RFX3: variants seen among roughly 807,000 people sequenced by gnomAD.
RFX3 encodes transcription factor RFX3.
RFX3 carries 14 observed loss-of-function variants against 98.6 expected under a neutral mutation model. The observed-to-expected ratio is 0.14, with a 90% CI of 0.09 to 0.22. The LOEUF is 0.22. Ranked by LOEUF, RFX3 falls within the 10% of genes least tolerant of loss-of-function variation. The pLI, the probability that RFX3 is intolerant of heterozygous loss-of-function variation, is 1.00. For synonymous variants in RFX3, 383 were observed against 328.4 expected (o/e 1.17, Z -1.80); for missense variants, 639 against 926.9 (o/e 0.69, Z 4.03).
chr9:3,345,312 G>T (rs901715052), intron 3 of RFX3, among the ~76,000 whole-genome samples: 7 of 152,010 alleles, frequency 4.6e-5, no homozygotes, highest in Non-Finnish European at 7.4e-5. Flanking sequence ...GTATGAAAGG[G>T]GAATATTTGG....
chr9:3,349,198 G>A (rs1834796609), intron 2 of RFX3, among the ~76,000 whole-genome samples: 1 of 151,534 alleles, frequency 6.6e-6, no homozygotes, highest in Non-Finnish European at 1.5e-5. Context: ...ACAAATTTTG[G>A]TTACTGGAGA....
intron 1 of RFX3, among the ~76,000 whole-genome samples, chr9:3,451,139 G>C (rs1846586733): frequency 6.6e-6 from 1 of 152,146 alleles, no homozygotes; most frequent in Non-Finnish European, 1.5e-5. Context: ...AAGAGATATA[G>C]AAGTCAACTA....
At chr9:3,454,786 C>G (rs1478706665) in intron 1 of RFX3, among the ~76,000 whole-genome samples, 1 of 152,114 alleles carries the variant, frequency 6.6e-6, no homozygotes, top group East Asian at 1.9e-4. Context: ...AGTTTATAAG[C>G]CATTCACATG....
intron 12 of RFX3, among the ~76,000 whole-genome samples, chr9:3,263,900 C>T (rs529131618): frequency 1.4e-4 from 21 of 152,296 alleles, no homozygotes; most frequent in Non-Finnish European, 2.9e-4. Context: ...GCAACCTCTG[C>T]TTGCTGCCTG....
intron 1 of RFX3, among the ~76,000 whole-genome samples, chr9:3,508,080 C>T (rs1055458367): frequency 4.6e-5 from 7 of 151,878 alleles, no homozygotes; most frequent in Non-Finnish European, 7.4e-5. Context: ...CAGAGGGAAA[C>T]GTAAAACTCT....
Position 3,248,191 on chromosome 9 carries a change from C to G in RFX3, c.1815-6G>C. 6.3e-7 allele frequency: 1 copy of G among 1,587,696 alleles called. No individual in the cohort carries two copies. On this transcript the variant is annotated splice_region_variant and splice_polypyrimidine_tract_variant and intron_variant, in intron 14 of 16. Coordinates refer to ENST00000617270, the MANE Select transcript of RFX3 (RefSeq NM_001282116.2). ...AGTCCCGAATAACCATTGAGCTGTTCCAAGAGAAAAGACAAATATGCAGCT... is the reference window on the plus strand; with the variant it reads ...AGTCCCGAATAACCATTGAGCTGTTGCAAGAGAAAAGACAAATATGCAGCT...
chr9:3,493,700 A>AAATATAT (rs398010211), intron 1 of RFX3, among the ~76,000 whole-genome samples: 4 of 71,776 alleles, frequency 5.6e-5, no homozygotes, highest in African/African-American at 2.4e-4. Flanking sequence ...AAAAAAAAAA[A>AAATATAT]ATATATATAT....
intron 1 of RFX3, among the ~76,000 whole-genome samples, chr9:3,451,046 G>T (rs529268572): frequency 6.6e-6 from 1 of 152,106 alleles, no homozygotes; most frequent in Non-Finnish European, 1.5e-5. Flanking sequence ...TATAAAAGGC[G>T]AATCTGGAGC....
intron 2 of RFX3, among the ~76,000 whole-genome samples, chr9:3,386,845 G>C (rs999168458): frequency 1.3e-5 from 2 of 151,506 alleles, no homozygotes; most frequent in Non-Finnish European, 2.9e-5. Flanking sequence ...ATTGGCAGTC[G>C]GGGAATACCT....
intron 2 of RFX3, 124 bp downstream of exon 2, chr9:3,395,348 T>C: frequency 9.0e-7 from 1 of 1,113,524 alleles, no homozygotes; most frequent in Non-Finnish European, 1.3e-6. Flanking sequence ...TGAATGAACC[T>C]AAAAACTGAA....
intron 2 of RFX3, among the ~76,000 whole-genome samples, chr9:3,355,410 T>A (rs1056609926): frequency 6.6e-6 from 1 of 151,886 alleles, no homozygotes; most frequent in African/African-American, 2.4e-5. Context: ...GGACTGGCTA[T>A]ATTAATATCA....
At chr9:3,247,674 C>T (rs1437329427) in intron 15 of RFX3, 35 of 1,451,758 alleles carry the variant, frequency 2.4e-5, no homozygotes, top group African/African-American at 2.9e-5. Context: ...ATATTTAATC[C>T]TTTCCATTGT....
chr9:3,497,021 G>A (rs1045770240), intron 1 of RFX3, among the ~76,000 whole-genome samples: 1 of 151,950 alleles, frequency 6.6e-6, no homozygotes. Flanking sequence ...AGTTGCAGGA[G>A]GTAATCTTCC....
chr9:3,351,985 C>T lies in RFX3; in HGVS notation c.118-5221G>A, dbSNP rs114205342. Among the ~76,000 whole-genome samples the T allele has an allele frequency of 5.3e-5, 8 of 151,616 alleles. No individual in the cohort carries two copies. In the East Asian group the frequency reaches 5.8e-4, roughly 11 times the overall value. ...CTGTACAAAAAAATTTCAAAAAATA[C>T]GTAATTTATAAGAAAAAGGAAAACT... On this transcript the variant is annotated intron_variant, in intron 2 of 16. Coordinates refer to ENST00000617270, the MANE Select transcript of RFX3 (RefSeq NM_001282116.2).
intron 1 of RFX3, among the ~76,000 whole-genome samples, chr9:3,470,311 C>T (rs80055934): frequency 6.6e-6 from 1 of 150,436 alleles, no homozygotes; most frequent in Non-Finnish European, 1.5e-5. Context: ...TTCTTTTTTT[C>T]TTTTTCCTTT....
chr9:3,371,315 A>G (rs1837816235), intron 2 of RFX3, among the ~76,000 whole-genome samples: 1 of 152,174 alleles, frequency 6.6e-6, no homozygotes, highest in African/African-American at 2.4e-5. Context: ...AACCAATTCC[A>G]TTTCTTTAGC....
At chr9:3,355,867 G>A (rs551278995) in intron 2 of RFX3, among the ~76,000 whole-genome samples, 8 of 151,800 alleles carry the variant, frequency 5.3e-5, no homozygotes, top group Non-Finnish European at 8.9e-5. Flanking sequence ...ATTCGAAATC[G>A]AGGACAAAAA....
chr9:3,265,668 C>G (rs1823534649), intron 12 of RFX3, among the ~76,000 whole-genome samples: 1 of 152,094 alleles, frequency 6.6e-6, no homozygotes, highest in African/African-American at 2.4e-5. Context: ...AATCCACATT[C>G]CTGAGATATA....
intron 1 of RFX3, among the ~76,000 whole-genome samples, chr9:3,403,760 G>A (rs1172273664): frequency 1.3e-5 from 2 of 152,250 alleles, no homozygotes; most frequent in African/African-American, 2.4e-5. Context: ...GCAAAGGGAG[G>A]CAAAGATTGG....
Sources: gnomAD v4.1 joint callset for allele counts (sites outside exome capture counted in the v4.1 genomes callset) on GRCh38, gnomAD v4.1.1 for gene constraint, MANE v1.5 for transcripts, NCBI Gene and HGNC (gene_info 2026-07-23, HGNC 2026-07-21) for gene names.